Variants in CELF2 observed in about 807,000 individuals in gnomAD.
CELF2 encodes the protein CUGBP Elav-like family member 2, also known as CUG triplet repeat RNA-binding protein 2.
In CELF2, 8 loss-of-function variants were observed where a neutral mutation model predicts 62.6. The ratio of observed to expected loss-of-function variants is 0.13; its 90% CI spans 0.07 to 0.23. The LOEUF is 0.23. Ranked by LOEUF, CELF2 falls within the 10% of genes least tolerant of loss-of-function variation. The pLI is 1.00. For missense variants in CELF2, 333 were observed against 671.0 expected, an observed-to-expected ratio of 0.50 and a Z score of 5.56; for synonymous variants, 258 against 250.0, an observed-to-expected ratio of 1.03 and a Z score of -0.30.
chr10:10,881,129 C>T (rs969981467), intron 1 of CELF2, among the ~76,000 whole-genome samples: 1 of 152,188 alleles, frequency 6.6e-6, no homozygotes, highest in Non-Finnish European at 1.5e-5. Flanking sequence ...GATTCTATGG[C>T]CTCACCTTGA....
At position 10,962,435 on chromosome 10, in the gene CELF2, C is replaced by T. The variant is rs566618168; in HGVS notation, c.89+42436C>T. 3.3e-5 allele frequency among the ~76,000 whole-genome samples: 5 copies of T among 152,322 alleles called. No homozygotes were observed. In the East Asian group the frequency reaches 9.7e-4, roughly 29 times the overall value. On this transcript the variant is annotated intron_variant, in intron 2 of 13. Transcript: ENST00000636488. ...AAAGTATACCATAACGAGAAATTTC[C>T]TCTTCAGCTAGGCATAGTGGTTCAC...
At chr10:11,248,024 A>G (rs192326545) in intron 3 of CELF2, among the ~76,000 whole-genome samples, 58 of 152,274 alleles carry the variant, frequency 3.8e-4, no homozygotes, top group Non-Finnish European at 2.1e-4. Flanking sequence ...TTTCCCTTTC[A>G]TTGAAATTAG....
chr10:10,910,158 A>G (rs1165513752), intron 1 of CELF2, among the ~76,000 whole-genome samples: 1 of 152,230 alleles, frequency 6.6e-6, no homozygotes, highest in Non-Finnish European at 1.5e-5. Flanking sequence ...TTATTGCAAA[A>G]TAGGCATCCT....
chr10:10,491,834 C>T, the CELF2 span, among the ~76,000 whole-genome samples: 1 of 152,156 alleles, frequency 6.6e-6, no homozygotes, highest in Non-Finnish European at 1.5e-5. Context: ...GTCTAAAGAA[C>T]ATCTTTTTAA....
chr10:10,509,614 C>G, the CELF2 span, among the ~76,000 whole-genome samples: 17 of 152,266 alleles, frequency 1.1e-4, no homozygotes, highest in African/African-American at 3.9e-4. Flanking sequence ...CCAGAATGGA[C>G]CAAGACATCA....
At chr10:10,578,866 ATGCT>A in the CELF2 span, among the ~76,000 whole-genome samples, 9 of 152,092 alleles carry the variant, frequency 5.9e-5, no homozygotes, top group African/African-American at 2.2e-4. Flanking sequence ...AATCATCCCA[ATGCT>A]TGATACACTT....
At chr10:10,770,907 T>A in the CELF2 span, among the ~76,000 whole-genome samples, 1 of 152,228 alleles carries the variant, frequency 6.6e-6, no homozygotes, top group Non-Finnish European at 1.5e-5. Flanking sequence ...GAGTCACCTG[T>A]GGTGCTGTTT....
At chr10:10,822,157 A>T (rs539140956) in intron 1 of CELF2, among the ~76,000 whole-genome samples, 11 of 152,304 alleles carry the variant, frequency 7.2e-5, no homozygotes, top group African/African-American at 2.6e-4. Context: ...TTTCCTCTGC[A>T]GCTGCGATGC....
chr10:10,753,415 A>G, the CELF2 span, among the ~76,000 whole-genome samples: 1 of 152,106 alleles, frequency 6.6e-6, no homozygotes, highest in Non-Finnish European at 1.5e-5. Flanking sequence ...AAAAAAATAT[A>G]TACTTTAGCT....
intron 9 of CELF2, among the ~76,000 whole-genome samples, chr10:11,299,504 A>C (rs1278023286): frequency 6.6e-6 from 1 of 151,858 alleles, no homozygotes; most frequent in Non-Finnish European, 1.5e-5. Context: ...TGTCAGTGAC[A>C]TGGTGACATG....
chr10:10,580,058 A>T, the CELF2 span, among the ~76,000 whole-genome samples: 57 of 152,208 alleles, frequency 3.7e-4, 1 homozygote, highest in Admixed American at 3.7e-3. Context: ...CTACACAGTA[A>T]TAATAGTGAT....
In CELF2 at chr10:11,140,741, C is replaced by T. The variant is rs551891647; in HGVS notation, c.75-24745C>T. 2.0e-3 allele frequency among the ~76,000 whole-genome samples: 312 copies of T among 152,210 alleles called. 2 individuals are homozygous for T. The highest frequency in any genetic ancestry group is 6.7e-3 in the African/African-American group (277 of 41,520). ...ATTTGTATTAAAAATAAGGGTTAGGCGCAGTGACTCATGCCTGTAATCCCA... is the reference window on the plus strand; with the variant it reads ...ATTTGTATTAAAAATAAGGGTTAGGTGCAGTGACTCATGCCTGTAATCCCA... On this transcript the variant is annotated intron_variant, in intron 1 of 12. Coordinates refer to ENST00000633077, the MANE Select transcript of CELF2 (RefSeq NM_001326342.2).
the CELF2 span, among the ~76,000 whole-genome samples, chr10:10,650,858 G>C: frequency 2.0e-4 from 30 of 152,222 alleles, no homozygotes; most frequent in African/African-American, 4.6e-4. Context: ...AAACGTGGAG[G>C]GGGGAGGAGC....
chr10:11,044,715 C>T (rs1365351302), intron 1 of CELF2, among the ~76,000 whole-genome samples: 3 of 152,086 alleles, frequency 2.0e-5, no homozygotes, highest in African/African-American at 7.2e-5. Flanking sequence ...CTAGGATATA[C>T]TATTGTAATA....
the CELF2 span, among the ~76,000 whole-genome samples, chr10:10,637,626 G>C: frequency 6.6e-6 from 1 of 152,184 alleles, no homozygotes; most frequent in Non-Finnish European, 1.5e-5. Flanking sequence ...TTCCAGCAAA[G>C]GTGACTGCGC....
At position 11,197,061 on chromosome 10, in the gene CELF2, A is replaced by AAAGAAG. The variant is rs1565233806; in HGVS notation, c.272-20364_272-20363insAAGAAG. Among the ~76,000 whole-genome samples the AAAGAAG allele has an allele frequency of 6.4e-4, 74 of 114,808 alleles. 9 individuals carry two copies. Among genetic ancestry groups the AAAGAAG allele is most frequent in the African/African-American group, 2.7e-3 (70 of 26,240 alleles). The allele number at this position is 114,808 out of a possible 152,430, so 75.3% of individuals were successfully genotyped here. A position where few individuals can be genotyped will look rare whatever the true frequency, so the allele number is the denominator to read the frequency against. On this transcript the variant is annotated intron_variant, in intron 2 of 12. Transcript: ENST00000633077. ...AGAAAGAAAGAAAGAAAGAAAGAAA[A>AAAGAAG]GAAAGAAAGGAAAGAAAGAAAGAAG...
At position 11,269,395 on chromosome 10, in the gene CELF2, G is replaced by GT. The variant is rs1323089437; in HGVS notation, c.619-1270dup. ...TCATGTATTCAGAACTGCATCCCCA[G>GT]TAACTACCCAAGGTGATAAGGAAAA... is the stretch of plus-strand genomic sequence containing the variant. On this transcript the variant is annotated intron_variant, in intron 6 of 12. Coordinates refer to ENST00000633077, the MANE Select transcript of CELF2 (RefSeq NM_001326342.2). This position sits in a 1 kb window ranked among gnomAD's most constrained non-coding sequence, Gnocchi z 4.4. 6.6e-6 allele frequency among the ~76,000 whole-genome samples: 1 copy of GT among 151,754 alleles called. No individual in the cohort carries two copies. The highest frequency in any genetic ancestry group is 1.5e-5 in the Non-Finnish European group (1 of 67,982).
chr10:10,990,256 GA>G lies in CELF2; in HGVS notation c.89+70262del, dbSNP rs2053280616. Among the ~76,000 whole-genome samples the G allele has an allele frequency of 6.6e-6, 1 of 151,956 alleles. No homozygotes were observed. Among genetic ancestry groups the G allele is most frequent in the Admixed American group, 6.6e-5 (1 of 15,254 alleles). ...AAATATTTTCAACGTCATTATGTGG[GA>G]AAAATATATCATGTTGTATAAAAAG... On this transcript the variant is annotated intron_variant, in intron 2 of 13. Coordinates refer to the CELF2 transcript ENST00000636488. The surrounding 1 kb of genome is among the most constrained non-coding windows in gnomAD (Gnocchi z 4.6).
chr10:10,859,504 G>A (rs1275514961), intron 1 of CELF2, among the ~76,000 whole-genome samples: 1 of 152,100 alleles, frequency 6.6e-6, no homozygotes, highest in African/African-American at 2.4e-5. Context: ...TCTGAAAAGA[G>A]GGGAGAAGAG....
Sources: allele counts gnomAD v4.1 joint callset (sites outside exome capture counted in the v4.1 genomes callset), GRCh38; gene constraint gnomAD v4.1.1; non-coding constraint Gnocchi (gnomAD v3.1); transcripts MANE v1.5; gene names NCBI Gene and HGNC (gene_info 2026-07-23, HGNC 2026-07-21).